Variants in PLD5 observed in about 807,000 individuals in gnomAD.
The protein encoded by PLD5 is inactive phospholipase D5.
Under a neutral mutation model 61.1 loss-of-function variants are expected in PLD5, and 36 were observed. The ratio of observed to expected loss-of-function variants is 0.59; its 90% CI spans 0.45 to 0.78. The LOEUF is 0.78. PLD5 is among the 30% of genes least tolerant of loss of function. The pLI, the probability that PLD5 is intolerant of heterozygous loss-of-function variation, is 0.00. For missense variants in PLD5, 515 were observed against 644.4 expected, an observed-to-expected ratio of 0.80 and a Z score of 2.17; for synonymous variants, 243 against 242.8, an observed-to-expected ratio of 1.00 and a Z score of -0.01.
At chr1:242,395,047 A>G in intron 1 of PLD5, among the ~76,000 whole-genome samples, 1 of 103,010 alleles carries the variant, frequency 9.7e-6, no homozygotes, top group East Asian at 2.3e-4. Flanking sequence ...GTATATGTAT[A>G]TATGAATATA....
intron 4 of PLD5, among the ~76,000 whole-genome samples, chr1:242,258,487 T>A (rs1443538624): frequency 6.6e-6 from 1 of 152,224 alleles, no homozygotes; most frequent in Non-Finnish European, 1.5e-5. Flanking sequence ...CTCTAAGTCA[T>A]TGATTCTGAA....
At chr1:242,190,014 C>G (rs947553580) in intron 5 of PLD5, among the ~76,000 whole-genome samples, 2 of 151,754 alleles carry the variant, frequency 1.3e-5, no homozygotes, top group Non-Finnish European at 1.5e-5. Context: ...CAAATGTCAC[C>G]CCTCTGCAGA....
At chr1:242,363,410 C>A (rs1661177360) in intron 1 of PLD5, among the ~76,000 whole-genome samples, 2 of 150,026 alleles carry the variant, frequency 1.3e-5, no homozygotes, top group Non-Finnish European at 3.0e-5. Context: ...CTGCGAACAG[C>A]CACTGCACTC....
At chr1:242,268,535 A>C (rs1673853405) in intron 3 of PLD5, among the ~76,000 whole-genome samples, 1 of 152,332 alleles carries the variant, frequency 6.6e-6, no homozygotes, top group Admixed American at 6.5e-5. Flanking sequence ...CAAAATCTAC[A>C]GATACTGGCA....
chr1:242,481,256 C>T (rs753802012), intron 1 of PLD5, among the ~76,000 whole-genome samples: 2 of 152,130 alleles, frequency 1.3e-5, no homozygotes, highest in African/African-American at 2.4e-5. Flanking sequence ...CAAAGCAGGG[C>T]GAGGCATCAC....
At chr1:242,277,840 A>G (rs1366487669) in intron 3 of PLD5, among the ~76,000 whole-genome samples, 1 of 152,044 alleles carries the variant, frequency 6.6e-6, no homozygotes. Flanking sequence ...AAAATTAGCC[A>G]GGCGTGGTGG....
At chr1:242,230,731 T>C (rs1477018375) in intron 4 of PLD5, among the ~76,000 whole-genome samples, 3 of 144,052 alleles carry the variant, frequency 2.1e-5, no homozygotes, top group Admixed American at 7.5e-5. Flanking sequence ...ATAAAAAGAA[T>C]CTTAGCACAA....
chr1:242,257,017 A>C (rs1356694339), intron 4 of PLD5, among the ~76,000 whole-genome samples: 2 of 147,494 alleles, frequency 1.4e-5, no homozygotes, highest in South Asian at 2.2e-4. Flanking sequence ...TCTATCATCT[A>C]TCTATATCTA....
intron 1 of PLD5, among the ~76,000 whole-genome samples, chr1:242,393,988 A>C (rs1572049400): frequency 7.0e-6 from 1 of 143,726 alleles, no homozygotes; most frequent in East Asian, 2.1e-4. Flanking sequence ...TGAACCCGGA[A>C]GGCGGAGGTT....
chr1:242,260,346 CA>C (rs58683643), intron 4 of PLD5, among the ~76,000 whole-genome samples: 171 of 120,244 alleles, frequency 1.4e-3, no homozygotes, highest in Middle Eastern at 4.8e-3. Context: ...GACTCCGTCT[CA>C]AAAAAAAAAA....
intron 2 of PLD5, among the ~76,000 whole-genome samples, chr1:242,296,908 T>C (rs1013351900): frequency 6.6e-6 from 1 of 152,196 alleles, no homozygotes; most frequent in African/African-American, 2.4e-5. Context: ...TTTACTGTTG[T>C]AGAGATGAAA....
chr1:242,524,381 AG>A lies in PLD5; in HGVS notation c.-106del. On this transcript the variant is annotated 5_prime_UTR_variant, in exon 1 of 10. Transcript: ENST00000536534. ...GAGGCCCAGCGGGAGCCGGAGGTGG[AG>A]CTGGAGACTGAGCTGGAGGAGCTGG... 1.8e-6 allele frequency: 2 copies of A among 1,134,642 alleles called. No individual in the cohort carries two copies. Among genetic ancestry groups the A allele is most frequent in the Non-Finnish European group, 2.3e-6 (2 of 871,288 alleles). 70.3% of individuals were successfully genotyped at this position (1,134,642 alleles called of 1,614,324 possible).
intron 5 of PLD5, among the ~76,000 whole-genome samples, chr1:242,158,378 C>T (rs1332351479): frequency 1.3e-5 from 2 of 152,120 alleles, no homozygotes; most frequent in African/African-American, 2.4e-5. Context: ...TCTCCTGCAG[C>T]TGGTTCAGTG....
intron 8 of PLD5, among the ~76,000 whole-genome samples, chr1:242,103,729 C>T (rs1464150777): frequency 6.6e-6 from 1 of 152,172 alleles, no homozygotes; most frequent in Non-Finnish European, 1.5e-5. Flanking sequence ...ATTTGAAAAT[C>T]TGGCCTGGAA....
intron 5 of PLD5, among the ~76,000 whole-genome samples, chr1:242,157,753 G>C (rs1665501407): frequency 6.6e-6 from 1 of 151,900 alleles, no homozygotes; most frequent in Non-Finnish European, 1.5e-5. Flanking sequence ...TCCTGGATGA[G>C]GTGTCTGGGA....
chr1:242,481,585 C>A (rs1356388131), intron 1 of PLD5, among the ~76,000 whole-genome samples: 1 of 152,236 alleles, frequency 6.6e-6, no homozygotes. Context: ...GTGGAGCCCA[C>A]CACAGCTCAA....
At chr1:242,128,705 C>G (rs528502754) in intron 5 of PLD5, among the ~76,000 whole-genome samples, 1 of 152,220 alleles carries the variant, frequency 6.6e-6, no homozygotes, top group South Asian at 2.1e-4. Context: ...GATAGCTCCT[C>G]CCTGCCCAGG....
intron 5 of PLD5, among the ~76,000 whole-genome samples, chr1:242,129,423 C>T (rs565250578): frequency 2.9e-4 from 44 of 152,170 alleles, no homozygotes; most frequent in African/African-American, 7.2e-4. Flanking sequence ...AGGCTGCTGT[C>T]GATGATGGAA....
chr1:242,313,176 T>G (rs1397029873), intron 2 of PLD5, among the ~76,000 whole-genome samples: 1 of 152,232 alleles, frequency 6.6e-6, no homozygotes, highest in Non-Finnish European at 1.5e-5. Flanking sequence ...TTTAGTTCCT[T>G]ATCTTTCTTA....
Sources: gnomAD v4.1 joint callset for allele counts (sites outside exome capture counted in the v4.1 genomes callset) on GRCh38, gnomAD v4.1.1 for gene constraint, MANE v1.5 for transcripts, NCBI Gene and HGNC (gene_info 2026-07-23, HGNC 2026-07-21) for gene names.